PHEX: variants seen among roughly 807,000 people sequenced by gnomAD.
The protein encoded by PHEX is phosphate-regulating neutral endopeptidase PHEX.
Under a neutral mutation model 68.0 loss-of-function variants are expected in PHEX, and 16 were observed. The ratio of observed to expected loss-of-function variants is 0.24; its 90% CI spans 0.16 to 0.36. The LOEUF (loss-of-function observed/expected upper bound fraction) is 0.36, where lower values mean the gene tolerates loss of function less well. PHEX is among the 10% of genes least tolerant of loss of function. PHEX has a pLI of 1.00. For synonymous variants in PHEX, 208 were observed against 205.1 expected, an observed-to-expected ratio of 1.01 and a Z score of -0.12; for missense variants, 480 against 575.5, an observed-to-expected ratio of 0.83 and a Z score of 1.70.
intron 2 of PHEX, among the ~76,000 whole-genome samples, chrX:22,044,235 C>T (rs1429791786): frequency 9.1e-6 from 1 of 110,344 alleles, no homozygotes; most frequent in Non-Finnish European, 1.9e-5. Context: ...GGTAAAAATG[C>T]GTGTGAGGGC....
intron 12 of PHEX, among the ~76,000 whole-genome samples, chrX:22,167,854 T>C (rs1933386976): frequency 9.0e-6 from 1 of 111,169 alleles, no homozygotes; most frequent in African/African-American, 3.3e-5. Context: ...GAGTTTTAAA[T>C]ATATTTTGGA....
intron 16 of PHEX, among the ~76,000 whole-genome samples, chrX:22,218,149 G>A (rs1459203742): frequency 9.1e-6 from 1 of 110,467 alleles, no homozygotes; most frequent in African/African-American, 3.3e-5. Flanking sequence ...GGGGTTTCTC[G>A]CTTCTTCATT....
intron 11 of PHEX, among the ~76,000 whole-genome samples, chrX:22,123,149 C>T (rs1421914916): frequency 4.6e-5 from 5 of 108,646 alleles, no homozygotes; most frequent in African/African-American, 1.3e-4. Flanking sequence ...CCATGATGCC[C>T]GGCTAATTTT....
intron 7 of PHEX, 31 bp from the exon 8 acceptor site, chrX:22,096,923 GA>G: frequency 1.5e-5 from 16 of 1,074,924 alleles, no homozygotes; most frequent in East Asian, 3.0e-5. Context: ...TGGTTCACTT[GA>G]AAAAAAATAA....
chrX:22,046,277 T>A (rs1452071916), intron 2 of PHEX, among the ~76,000 whole-genome samples: 2 of 112,102 alleles, frequency 1.8e-5, no homozygotes, highest in Non-Finnish European at 3.8e-5. Flanking sequence ...CTCTTAAGGC[T>A]TAGCTTTGAA....
At chrX:22,113,424 C>T (rs1931080796) in intron 10 of PHEX, among the ~76,000 whole-genome samples, 1 of 111,573 alleles carries the variant, frequency 9.0e-6, no homozygotes, top group Admixed American at 9.5e-5. Context: ...TCCCTGCCTG[C>T]ACCCCCAGCT....
At chrX:22,125,458 C>A (rs765758625) in intron 11 of PHEX, among the ~76,000 whole-genome samples, 6 of 111,782 alleles carry the variant, frequency 5.4e-5, no homozygotes, top group Admixed American at 9.5e-5. Context: ...TGCCCATAAT[C>A]AACCTTACTG....
At chrX:22,220,219 T>C (rs1046030867) in intron 17 of PHEX, among the ~76,000 whole-genome samples, 5 of 111,591 alleles carry the variant, frequency 4.5e-5, no homozygotes, top group African/African-American at 1.6e-4. Context: ...GGCAACGTTA[T>C]ATAGAAGGGG....
At chrX:22,133,663 G>T in intron 12 of PHEX, 39 bp downstream of exon 12, 2 of 987,181 alleles carry the variant, frequency 2.0e-6, no homozygotes, top group African/African-American at 1.9e-5. Context: ...TAAGACTTCT[G>T]GTTTAATGGA....
intron 18 of PHEX, among the ~76,000 whole-genome samples, 197 bp downstream of exon 18, chrX:22,221,940 C>G (rs1935283667): frequency 8.9e-6 from 1 of 112,095 alleles, no homozygotes; most frequent in African/African-American, 3.2e-5. Flanking sequence ...CATCCCTTAA[C>G]CAGGCATGAA....
intron 13 of PHEX, among the ~76,000 whole-genome samples, chrX:22,176,547 G>T (rs1236106393): frequency 9.2e-6 from 1 of 108,707 alleles, no homozygotes; most frequent in Non-Finnish European, 1.9e-5. Context: ...CTTTGTACAT[G>T]CACACACACA....
intron 13 of PHEX, chrX:22,173,013 T>C (rs1235898608): frequency 1.2e-5 from 1 of 82,766 alleles, no homozygotes; most frequent in Non-Finnish European, 2.2e-5. Context: ...GAAACACTAG[T>C]GTGTGTGTGT....
intron 9 of PHEX, among the ~76,000 whole-genome samples, chrX:22,106,548 A>G (rs771569382): frequency 9.0e-6 from 1 of 110,814 alleles, no homozygotes; most frequent in South Asian, 3.8e-4. Flanking sequence ...AGTTGGGCGG[A>G]TTGCTTGAGT....
intron 20 of PHEX, among the ~76,000 whole-genome samples, chrX:22,234,146 T>C (rs1227587361): frequency 8.8e-6 from 1 of 113,079 alleles, no homozygotes; most frequent in Non-Finnish European, 1.9e-5. Context: ...AATTGCTGCC[T>C]GTTCTTCCCT....
At chrX:22,214,167 T>A (rs947245394) in intron 16 of PHEX, among the ~76,000 whole-genome samples, 2 of 111,882 alleles carry the variant, frequency 1.8e-5, no homozygotes, top group African/African-American at 6.5e-5. Flanking sequence ...TAGAGATGAA[T>A]CTGTTTTCTT....
chrX:22,240,694 C>A (rs182594389), intron 20 of PHEX, among the ~76,000 whole-genome samples: 1 of 111,918 alleles, frequency 8.9e-6, no homozygotes, highest in Non-Finnish European at 1.9e-5. Context: ...GGGGTCAATG[C>A]AGCATGAAGA....
intron 15 of PHEX, among the ~76,000 whole-genome samples, chrX:22,209,779 TCCTCCCTCTCTCTCTCC>T (rs1934849035): frequency 2.2e-5 from 2 of 89,122 alleles, no homozygotes; most frequent in African/African-American, 9.1e-5. Flanking sequence ...CTCCTCCCTC[TCCTCCCTCTCTCTCTCC>T]CTCTCCCTCT....
intron 12 of PHEX, among the ~76,000 whole-genome samples, chrX:22,144,309 T>C (rs1452311959): frequency 9.0e-6 from 1 of 111,687 alleles, no homozygotes; most frequent in African/African-American, 3.3e-5. Context: ...GTGATGCCAG[T>C]TACATAATTA....
At chrX:22,178,136 G>A (rs1432281798) in intron 13 of PHEX, 137 bp from the exon 14 acceptor site, 1 of 403,197 alleles carries the variant, frequency 2.5e-6, no homozygotes, top group East Asian at 4.8e-5. Context: ...TGACTTCTGG[G>A]TCAACTGATA....
Sources: allele counts gnomAD v4.1 joint callset (sites outside exome capture counted in the v4.1 genomes callset), GRCh38; gene constraint gnomAD v4.1.1; transcripts MANE v1.5; gene names NCBI Gene and HGNC (gene_info 2026-07-23, HGNC 2026-07-21).